Variants in PCDH9 observed in about 807,000 individuals in gnomAD.
PCDH9 encodes the protein protocadherin 9, also known as protocadherin-9.
A neutral mutation model predicts 70.6 loss-of-function variants in PCDH9; 24 were observed. The ratio of observed to expected loss-of-function variants is 0.34; its 90% CI spans 0.25 to 0.48. PCDH9 has a LOEUF of 0.48. Among genes scored for constraint, PCDH9 ranks in the 20% least tolerant of loss-of-function variants. The pLI, the probability that PCDH9 is intolerant of heterozygous loss-of-function variation, is 0.99. For synonymous variants in PCDH9, 562 were observed against 558.5 expected (o/e 1.01, Z -0.09); for missense variants, 1,281 against 1,503.6 (o/e 0.85, Z 2.45).
At chr13:66,518,437 C>T (rs1290810070) in intron 4 of PCDH9, among the ~76,000 whole-genome samples, 1 of 152,068 alleles carries the variant, frequency 6.6e-6, no homozygotes, top group African/African-American at 2.4e-5. Flanking sequence ...TGAGACAATA[C>T]TTTTAAAAGT....
chr13:66,833,038 T>G (rs1415609347), intron 3 of PCDH9, among the ~76,000 whole-genome samples: 1 of 152,118 alleles, frequency 6.6e-6, no homozygotes, highest in Non-Finnish European at 1.5e-5. Flanking sequence ...AAAGTTTTCC[T>G]TTCTTTTCAT....
intron 3 of PCDH9, among the ~76,000 whole-genome samples, chr13:66,635,110 C>A (rs1291681725): frequency 6.6e-6 from 1 of 152,152 alleles, no homozygotes; most frequent in Non-Finnish European, 1.5e-5. Flanking sequence ...TAAATGTAGT[C>A]AAATCCTGAC....
chr13:66,690,018 T>C lies in PCDH9; in HGVS notation c.3139-58607A>G, dbSNP rs1270483052. ...CTAAATTTGATGAGCATTATCTTAGTTACAGAATTGGACCACATTAAACCT... is the reference window on the plus strand; with the variant it reads ...CTAAATTTGATGAGCATTATCTTAGCTACAGAATTGGACCACATTAAACCT... On this transcript the variant is annotated intron_variant, in intron 3 of 4. Coordinates refer to ENST00000377865, the MANE Select transcript of PCDH9 (RefSeq NM_203487.3). Among the ~76,000 whole-genome samples the C allele has an allele frequency of 9.2e-5, 14 of 152,320 alleles. No individual in the cohort carries two copies. In the East Asian group the frequency reaches 2.3e-3, roughly 25 times the overall value.
At chr13:66,419,130 ACGGATTTT>A (rs1308027373) in intron 4 of PCDH9, among the ~76,000 whole-genome samples, 1 of 152,224 alleles carries the variant, frequency 6.6e-6, no homozygotes, top group East Asian at 1.9e-4. Context: ...CCAGGACCAG[ACGGATTTT>A]CTATTGTTTG....
chr13:67,180,075 T>G (rs1190822959), intron 2 of PCDH9, among the ~76,000 whole-genome samples: 1 of 146,334 alleles, frequency 6.8e-6, no homozygotes, highest in South Asian at 2.1e-4. Flanking sequence ...TCTCTTAGAA[T>G]TTTTTCTACA....
intron 2 of PCDH9, among the ~76,000 whole-genome samples, chr13:67,169,581 AT>A (rs988398786): frequency 6.6e-6 from 1 of 152,106 alleles, no homozygotes; most frequent in Admixed American, 6.5e-5. Context: ...AACTAAAGGG[AT>A]TTTTTTGTAA....
At chr13:66,623,216 G>A (rs1296484891) in intron 4 of PCDH9, among the ~76,000 whole-genome samples, 1 of 152,230 alleles carries the variant, frequency 6.6e-6, no homozygotes, top group Non-Finnish European at 1.5e-5. Context: ...CCGACTATTT[G>A]ACCAACACAT....
At chr13:66,685,869 C>T (rs915583274) in intron 3 of PCDH9, among the ~76,000 whole-genome samples, 3 of 152,104 alleles carry the variant, frequency 2.0e-5, no homozygotes, top group Non-Finnish European at 4.4e-5. Context: ...GCCAGTTTAT[C>T]CCATGTGGAA....
intron 2 of PCDH9, among the ~76,000 whole-genome samples, chr13:66,905,318 A>G (rs1433362783): frequency 6.6e-6 from 1 of 152,066 alleles, no homozygotes. Flanking sequence ...AAAAGGTTTC[A>G]TGTATCATAT....
chr13:67,125,794 C>T lies in PCDH9; in HGVS notation c.3036+99611G>A, dbSNP rs570974680. On this transcript the variant is annotated intron_variant, in intron 2 of 4. Coordinates refer to ENST00000377865, the MANE Select transcript of PCDH9 (RefSeq NM_203487.3). ...CATTGTCACAGGGTCTTGCATTTTC[C>T]TACCTTTAGTTTGGTATAATTAATT... Among the ~76,000 whole-genome samples, 5 of 151,630 alleles carry T rather than the reference C, an allele frequency of 3.3e-5. No individual in the cohort carries two copies. The South Asian group carries it at 1.0e-3, about 32-fold the overall frequency.
chr13:66,771,351 C>T (rs918930574), intron 3 of PCDH9, among the ~76,000 whole-genome samples: 1 of 152,172 alleles, frequency 6.6e-6, no homozygotes, highest in African/African-American at 2.4e-5. Context: ...TTCAGCCCCT[C>T]CTTCATTTCT....
At chr13:66,743,115 C>A (rs1196485784) in intron 3 of PCDH9, among the ~76,000 whole-genome samples, 1 of 57,190 alleles carries the variant, frequency 1.7e-5, no homozygotes, top group Non-Finnish European at 4.6e-5. Context: ...CAATGATAGA[C>A]TGGATTAAGA....
chr13:66,917,371 A>T (rs1566291572), intron 2 of PCDH9, among the ~76,000 whole-genome samples: 2 of 151,542 alleles, frequency 1.3e-5, no homozygotes, highest in South Asian at 4.1e-4. Context: ...ATCTTTGAGA[A>T]GCCTGAGCCA....
At chr13:67,132,860 C>T (rs962395410) in intron 2 of PCDH9, among the ~76,000 whole-genome samples, 23 of 152,166 alleles carry the variant, frequency 1.5e-4, no homozygotes, top group African/African-American at 5.3e-4. Context: ...CTAGCTAAAA[C>T]TCTTACGTTC....
At chr13:66,935,765 C>A (rs949278848) in intron 2 of PCDH9, among the ~76,000 whole-genome samples, 6 of 152,040 alleles carry the variant, frequency 3.9e-5, no homozygotes, top group African/African-American at 1.4e-4. Flanking sequence ...TACAGAACAA[C>A]CCTTTTCAAT....
At chr13:66,429,728 CT>C (rs34137634) in intron 4 of PCDH9, among the ~76,000 whole-genome samples, 1 of 151,876 alleles carries the variant, frequency 6.6e-6, no homozygotes, top group Non-Finnish European at 1.5e-5. Flanking sequence ...AAAAAAATAA[CT>C]TTTTCTGGTT....
At chr13:67,001,108 C>T (rs2084234933) in intron 2 of PCDH9, among the ~76,000 whole-genome samples, 1 of 152,046 alleles carries the variant, frequency 6.6e-6, no homozygotes, top group Non-Finnish European at 1.5e-5. Context: ...CTAATAAGTT[C>T]GATACAGAAG....
chr13:66,659,553 T>TGTGTGTGTGTGTGTTTG (rs59132032), intron 3 of PCDH9, among the ~76,000 whole-genome samples: 1 of 148,768 alleles, frequency 6.7e-6, no homozygotes, highest in Admixed American at 6.7e-5. Context: ...GTGTGTGTGT[T>TGTGTGTGTGTGTGTTTG]TGTGTGTGTT....
chr13:66,843,630 GT>G (rs1325345486), intron 3 of PCDH9, among the ~76,000 whole-genome samples: 1 of 152,164 alleles, frequency 6.6e-6, no homozygotes, highest in African/African-American at 2.4e-5. Flanking sequence ...ACTAATATTT[GT>G]TCAGGGATGG....
Sources: gnomAD v4.1 joint callset for allele counts (sites outside exome capture counted in the v4.1 genomes callset) on GRCh38, gnomAD v4.1.1 for gene constraint, MANE v1.5 for transcripts, NCBI Gene and HGNC (gene_info 2026-07-23, HGNC 2026-07-21) for gene names.